SPAG16: variants seen among roughly 807,000 people sequenced by gnomAD.
SPAG16 encodes the protein sperm associated antigen 16.
SPAG16 carries 86 observed loss-of-function variants against 80.4 expected under a neutral mutation model. That is an observed-to-expected ratio of 1.07 (90% CI 0.90 to 1.28). SPAG16 has a LOEUF of 1.28. SPAG16 is among the 50% of genes most tolerant of loss of function. SPAG16 has a pLI of 0.00. For missense variants in SPAG16, 870 were observed against 765.3 expected, an observed-to-expected ratio of 1.14 and a Z score of -1.61; for synonymous variants, 294 against 265.9, an observed-to-expected ratio of 1.11 and a Z score of -1.03.
intron 15 of SPAG16, among the ~76,000 whole-genome samples, chr2:214,280,324 G>A (rs1289598405): frequency 6.6e-6 from 1 of 152,186 alleles, no homozygotes; most frequent in African/African-American, 2.4e-5. Flanking sequence ...TAAATACAAT[G>A]CCAGTTCAAA....
At chr2:213,876,320 AG>A (rs372215781) in intron 11 of SPAG16, among the ~76,000 whole-genome samples, 783 of 30,976 alleles carry the variant, frequency 0.025, 3 homozygotes, top group South Asian at 0.2. Context: ...AAAAAAAAAA[AG>A]AAGAAGAAAA....
rs192964065 is a variant in SPAG16, at chr2:214,196,300, T to C, written c.1720+47034T>C. Among the ~76,000 whole-genome samples, 12 of 152,160 alleles carry C rather than the reference T, an allele frequency of 7.9e-5. No homozygotes were observed. The East Asian group carries it at 2.3e-3, about 29-fold the overall frequency. On this transcript the variant is annotated intron_variant, in intron 15 of 15. Transcript: ENST00000331683. Reference sequence around the variant, plus strand: ...CCTTGGCATCTTAAGATCTTGATTATCAGAACTTAAGCATGAAAGAATTTC... The same window carrying C: ...CCTTGGCATCTTAAGATCTTGATTACCAGAACTTAAGCATGAAAGAATTTC...
intron 10 of SPAG16, among the ~76,000 whole-genome samples, chr2:213,641,605 T>C (rs2062590970): frequency 6.6e-6 from 1 of 152,222 alleles, no homozygotes; most frequent in Admixed American, 6.5e-5. Context: ...TCCCTGAAGA[T>C]TGGGCATGCC....
chr2:213,431,710 A>G (rs1035210536), intron 9 of SPAG16, among the ~76,000 whole-genome samples: 5 of 152,088 alleles, frequency 3.3e-5, no homozygotes, highest in African/African-American at 9.7e-5. Context: ...AAAAACAACA[A>G]AGAAACACTG....
At chr2:213,952,185 C>A (rs1015446933) in intron 12 of SPAG16, among the ~76,000 whole-genome samples, 1 of 151,610 alleles carries the variant, frequency 6.6e-6, no homozygotes, top group South Asian at 2.1e-4. Context: ...AAAAATGCAT[C>A]GAAAACAAAT....
intron 13 of SPAG16, among the ~76,000 whole-genome samples, chr2:214,100,629 G>A (rs1361843642): frequency 6.6e-6 from 1 of 152,134 alleles, no homozygotes; most frequent in East Asian, 1.9e-4. Context: ...ACCAAAACAT[G>A]TGGTATTTCG....
chr2:214,107,903 A>C (rs1383775554), intron 13 of SPAG16, among the ~76,000 whole-genome samples: 1 of 152,136 alleles, frequency 6.6e-6, no homozygotes, highest in African/African-American at 2.4e-5. Context: ...CTTGAAAGCT[A>C]TGCTAATTGA....
intron 15 of SPAG16, among the ~76,000 whole-genome samples, chr2:214,378,060 C>T (rs1190897686): frequency 6.6e-6 from 1 of 152,016 alleles, no homozygotes; most frequent in African/African-American, 2.4e-5. Flanking sequence ...GTAGGAGTGA[C>T]ACAGGGCCGT....
intron 10 of SPAG16, among the ~76,000 whole-genome samples, chr2:213,620,292 T>G (rs1015484661): frequency 2.9e-4 from 37 of 126,484 alleles, no homozygotes; most frequent in African/African-American, 9.7e-4. Flanking sequence ...TTTTTTTTTT[T>G]TTTTTTTTTT....
At chr2:213,619,712 G>A (rs1446870231) in intron 10 of SPAG16, among the ~76,000 whole-genome samples, 2 of 152,166 alleles carry the variant, frequency 1.3e-5, no homozygotes, top group African/African-American at 4.8e-5. Flanking sequence ...CAAGGTTGAT[G>A]AAAATGTAAA....
intron 13 of SPAG16, among the ~76,000 whole-genome samples, chr2:214,055,700 G>C (rs576377836): frequency 2.3e-4 from 35 of 152,046 alleles, no homozygotes; most frequent in Non-Finnish European, 3.4e-4. Flanking sequence ...GCCAACAGTA[G>C]CTGCCAGCAA....
At chr2:213,874,223 G>A (rs1266750837) in intron 11 of SPAG16, among the ~76,000 whole-genome samples, 2 of 152,000 alleles carry the variant, frequency 1.3e-5, no homozygotes, top group Non-Finnish European at 2.9e-5. Flanking sequence ...TGTACACTTA[G>A]GCTATACTGA....
intron 13 of SPAG16, among the ~76,000 whole-genome samples, chr2:214,079,847 A>T (rs2125257334): frequency 6.6e-6 from 1 of 152,346 alleles, no homozygotes; most frequent in Non-Finnish European, 1.5e-5. Context: ...TAGAAGAGAA[A>T]AGAGAATTTC....
chr2:213,506,769 A>C (rs920069826), intron 10 of SPAG16, among the ~76,000 whole-genome samples: 1 of 152,246 alleles, frequency 6.6e-6, no homozygotes, highest in Admixed American at 6.5e-5. Flanking sequence ...TTAATTAATT[A>C]AAAAGATCAG....
intron 10 of SPAG16, among the ~76,000 whole-genome samples, chr2:213,522,883 A>G (rs987208432): frequency 9.3e-5 from 14 of 150,238 alleles, no homozygotes; most frequent in Admixed American, 6.7e-5. Flanking sequence ...TAGGCATTTT[A>G]GAATATATTT....
chr2:213,657,443 T>C (rs761425355), intron 10 of SPAG16, among the ~76,000 whole-genome samples: 4 of 152,204 alleles, frequency 2.6e-5, no homozygotes, highest in Non-Finnish European at 5.9e-5. Context: ...TGATGCTGTA[T>C]ATGGTACTTT....
intron 9 of SPAG16, among the ~76,000 whole-genome samples, chr2:213,385,496 A>G (rs2067380192): frequency 6.6e-6 from 1 of 152,154 alleles, no homozygotes; most frequent in African/African-American, 2.4e-5. Flanking sequence ...TAGTTCCTGC[A>G]GTTCCTTGGA....
rs377538514 is a variant in SPAG16 at position 214,250,749 on chromosome 2, T to TAGAGAGAGAG, written c.1720+101484_1720+101485insGAGAGAGAGA. 8.5e-3 allele frequency among the ~76,000 whole-genome samples: 783 copies of TAGAGAGAGAG among 92,568 alleles called. 4 individuals carry two copies. Among genetic ancestry groups the TAGAGAGAGAG allele is most frequent in the Non-Finnish European group, 0.012 (520 of 41,646 alleles). 60.7% of individuals were successfully genotyped at this position (92,568 alleles called of 152,430 possible). ...GAGCTTTGAGATATATATATATATATATATATATAGAGAGAGAGAGAGAGA... is the reference window on the plus strand; with the variant it reads ...GAGCTTTGAGATATATATATATATATAGAGAGAGAGATATATATAGAGAGAGAGAGAGAGA... On this transcript the variant is annotated intron_variant, in intron 15 of 15. Transcript: ENST00000331683.
intron 10 of SPAG16, among the ~76,000 whole-genome samples, chr2:213,589,659 C>A (rs1402109346): frequency 6.6e-6 from 1 of 152,148 alleles, no homozygotes; most frequent in Admixed American, 6.5e-5. Flanking sequence ...TGATGGCTCA[C>A]ACCTGTAATC....
Sources: gnomAD v4.1 joint callset for allele counts (sites outside exome capture counted in the v4.1 genomes callset) on GRCh38, gnomAD v4.1.1 for gene constraint, MANE v1.5 for transcripts, NCBI Gene and HGNC (gene_info 2026-07-23, HGNC 2026-07-21) for gene names.